EPHA10: variants seen among roughly 807,000 people sequenced by gnomAD.
EPHA10 encodes EPH receptor A10.
EPHA10 carries 120 observed loss-of-function variants against 109.7 expected under a neutral mutation model. The ratio of observed to expected loss-of-function variants is 1.09; its 90% CI spans 0.94 to 1.27. The LOEUF is 1.27. Among genes scored for constraint, EPHA10 ranks in the 50% most tolerant of loss-of-function variants. EPHA10 has a pLI of 0.00. For missense variants in EPHA10, 1,396 were observed against 1,411.1 expected (o/e 0.99, Z 0.17); for synonymous variants, 640 against 618.9 (o/e 1.03, Z -0.51).
At chr1:37,737,821 G>A (rs1646092318) in intron 5 of EPHA10, 1 of 150,790 alleles carries the variant, frequency 6.6e-6, no homozygotes, top group Non-Finnish European at 1.5e-5. Context: ...GAGTGAAAAA[G>A]CAGTCTTTGA....
intron 7 of EPHA10, among the ~76,000 whole-genome samples, chr1:37,729,839 C>T (rs1460257219): frequency 2.0e-5 from 3 of 151,632 alleles, no homozygotes; most frequent in African/African-American, 7.3e-5. Context: ...TGCCACTACA[C>T]TCCAGCCTGG....
chr1:37,754,370 G>A lies in EPHA10; in HGVS notation c.851C>T (p.Ala284Val). The A allele has an allele frequency of 7.7e-7, 1 of 1,303,834 alleles. No individual in the cohort carries two copies. The allele number at this position is 1,303,834 out of a possible 1,614,324, so 80.8% of individuals were successfully genotyped here. Residue 284 changes from alanine to valine, a missense_variant and splice_region_variant, in exon 4 of 17, where the codon GCC (alanine) becomes GTC (valine). Coordinates refer to ENST00000373048, the MANE Select transcript of EPHA10 (RefSeq NM_001099439.2). The surrounding 1 kb of genome is among the most constrained non-coding windows in gnomAD (Gnocchi z 4.5). ...GFQERGDFCE[A>V]CPPGFYKVSP... ...CACCTTGTAAAACCCTGGGGGACAG[G>A]CTGCAGGGCATGGCTGGTGAGAAGA... is the stretch of plus-strand genomic sequence containing the variant.
intron 5 of EPHA10, among the ~76,000 whole-genome samples, chr1:37,736,843 C>G (rs1368124474): frequency 6.6e-6 from 1 of 152,196 alleles, no homozygotes; most frequent in Non-Finnish European, 1.5e-5. Context: ...AACAATCCCA[C>G]TTACGATAGC....
At chr1:37,722,749 A>C in intron 10 of EPHA10, 1 of 530,470 alleles carries the variant, frequency 1.9e-6, no homozygotes, top group Non-Finnish European at 3.6e-6. Flanking sequence ...GCCCCTCCCC[A>C]CTGCCCCATG....
At position 37,764,095 on chromosome 1, in the gene EPHA10, G is replaced by A. The variant is rs971127693; in HGVS notation, c.106+866C>T. ...CAGAGACAGGAGGTCAGGACACCCC[G>A]GAGTCTTGGGAGATTACCCTCTGGA... On this transcript the variant is annotated intron_variant, in intron 1 of 16. Coordinates refer to ENST00000373048, the MANE Select transcript of EPHA10 (RefSeq NM_001099439.2). The surrounding 1 kb of genome is among the most constrained non-coding windows in gnomAD (Gnocchi z 5.8). Among the ~76,000 whole-genome samples, 2 of 152,162 alleles carry A rather than the reference G, an allele frequency of 1.3e-5. No homozygotes were observed. Among genetic ancestry groups the A allele is most frequent in the East Asian group, 1.9e-4 (1 of 5,192 alleles).
chr1:37,732,863 CTTTTTTTTTTTTTTTTTTTTTTTTT>C (rs56226051), intron 6 of EPHA10, among the ~76,000 whole-genome samples: 451 of 25,060 alleles, frequency 0.018, 14 homozygotes, highest in African/African-American at 0.054. Flanking sequence ...TATACTTGTT[CTTTTTTTTTTTTTTTTTTTTTTTTT>C]TTTTTTTTTT....
Position 37,764,997 on chromosome 1 carries a change from G to A in EPHA10, c.70C>T (p.Leu24Phe). 6.2e-7 allele frequency: 1 copy of A among 1,611,076 alleles called. No individual in the cohort carries two copies. Among genetic ancestry groups the A allele is most frequent in the Non-Finnish European group, 8.5e-7 (1 of 1,179,342 alleles). The stretch of plus-strand genomic sequence containing the variant: ...GTCCCAGGCCGCCAGGGTCCCAAAA[G>A]CAGCGCGAGACAGAGCTGCATCCGG... The part of the protein sequence containing the change: ...LCRMQLCLAL[L>F]LGPWRPGTAE... The change falls in exon 1 of 17, where the codon CTT becomes TTT. Residue 24 changes from leucine to phenylalanine, a missense_variant. Physicochemically the swap from Leu to Phe is conservative, Grantham distance 22 (BLOSUM62 0). Transcript: ENST00000373048. This position sits in a 1 kb window ranked among gnomAD's most constrained non-coding sequence, Gnocchi z 5.8.
chr1:37,753,143 C>T lies in EPHA10; in HGVS notation c.1090G>A (p.Asp364Asn), dbSNP rs1013132429. The T allele has an allele frequency of 2.1e-6, 3 of 1,407,208 alleles. No individual in the cohort carries two copies. Among genetic ancestry groups the T allele is most frequent in the African/African-American group, 3.0e-5 (2 of 66,778 alleles). 87.2% of individuals were successfully genotyped at this position (1,407,208 alleles called of 1,614,324 possible). Residue 364 changes from aspartate to asparagine, a missense_variant, in exon 5 of 17, where the codon GAC becomes AAC. Asp to Asn is a conservative substitution (Grantham distance 23). Transcript: ENST00000373048. ...VLRLRWLPPADSGGRSDVTYS... is the reference protein window; with the variant it reads ...VLRLRWLPPANSGGRSDVTYS... ...GTGACGTCCGAGCGGCCTCCCGAGT[C>T]GGCCGGCGGCAGCCAGCGCAGTCGC...
Position 37,716,716 on chromosome 1 carries a change from C to G in EPHA10, c.*1656G>C. 4.3e-6 allele frequency: 1 copy of G among 232,990 alleles called. No individual in the cohort carries two copies. The highest frequency in any genetic ancestry group is 1.3e-3 in the Middle Eastern group (1 of 788). The allele number at this position is 232,990 out of a possible 1,614,324, so 14.4% of individuals were successfully genotyped here. ...TCTCATGCTAGCCTCTCTGCATGGACTCCTTTTGTCCGAGGCCTGCCATCT... is the reference window on the plus strand; with the variant it reads ...TCTCATGCTAGCCTCTCTGCATGGAGTCCTTTTGTCCGAGGCCTGCCATCT... On this transcript the variant is annotated 3_prime_UTR_variant, in exon 17 of 17. Coordinates refer to ENST00000373048, the MANE Select transcript of EPHA10 (RefSeq NM_001099439.2).
At chr1:37,751,870 T>G (rs1463856066) in intron 5 of EPHA10, among the ~76,000 whole-genome samples, 1 of 135,830 alleles carries the variant, frequency 7.4e-6, no homozygotes, top group Non-Finnish European at 1.6e-5. Context: ...AGACTCTGTC[T>G]CAAAAAAAAA....
intron 8 of EPHA10, among the ~76,000 whole-genome samples, chr1:37,724,581 T>C (rs1486398508): frequency 6.6e-6 from 1 of 152,004 alleles, no homozygotes; most frequent in Admixed American, 6.6e-5. Context: ...TGGGGCAGGG[T>C]ATCACAGGGA....
intron 13 of EPHA10, 123 bp from the exon 14 acceptor site, chr1:37,720,181 C>T: frequency 7.0e-7 from 1 of 1,437,766 alleles, no homozygotes; most frequent in Non-Finnish European, 9.4e-7. Context: ...TCCAGCTTCA[C>T]ATCTGGGAAA....
intron 14 of EPHA10, 97 bp from the exon 15 acceptor site, chr1:37,719,704 ACACACACATGCG>A (rs1370566564): frequency 1.2e-5 from 18 of 1,469,910 alleles, no homozygotes; most frequent in Non-Finnish European, 1.5e-5. Context: ...ACAGACACAC[ACACACACATGCG>A]CACACACAGA....
In EPHA10 at chr1:37,754,332, G is replaced by A; in HGVS notation, c.889C>T (p.Pro297Ser). The change falls in exon 4 of 17, where the codon CCC becomes TCC. Residue 297 changes from proline to serine, a missense_variant. Coordinates refer to ENST00000373048, the MANE Select transcript of EPHA10 (RefSeq NM_001099439.2). This position sits in a 1 kb window ranked among gnomAD's most constrained non-coding sequence, Gnocchi z 4.5. Reference protein sequence around the residue: ...PGFYKVSPRRPLCSPCPEHSR... With the variant: ...PGFYKVSPRRSLCSPCPEHSR... The stretch of plus-strand genomic sequence containing the variant: ...TGCTCTGGGCACGGTGAGCAGAGGG[G>A]CCGCCGCGGGGACACCTTGTAAAAC... 1.5e-6 allele frequency: 2 copies of A among 1,311,950 alleles called. No homozygotes were observed. Among genetic ancestry groups the A allele is most frequent in the Non-Finnish European group, 9.8e-7 (1 of 1,024,528 alleles). 81.3% of individuals were successfully genotyped at this position (1,311,950 alleles called of 1,614,324 possible). A position where few individuals can be genotyped will look rare whatever the true frequency, so the allele number is the denominator to read the frequency against.
chr1:37,730,989 G>A (rs1645973046), intron 7 of EPHA10, among the ~76,000 whole-genome samples: 1 of 152,152 alleles, frequency 6.6e-6, no homozygotes. Flanking sequence ...ATCGCGCCTG[G>A]CCGCAATCCT....
In EPHA10 at chr1:37,716,544, A is replaced by C. The variant is rs904893869; in HGVS notation, c.*1828T>G. ...CTGAGCTGGGGCAGGTGCTCAGGAG[A>C]CAGGGAGGCAGGGGGCTGGGGGGAG... On this transcript the variant is annotated 3_prime_UTR_variant, in exon 17 of 17. Coordinates refer to ENST00000373048, the MANE Select transcript of EPHA10 (RefSeq NM_001099439.2). 7 of 224,274 alleles carry C rather than the reference A, an allele frequency of 3.1e-5. No homozygotes were observed. Among genetic ancestry groups the C allele is most frequent in the Non-Finnish European group, 6.1e-5 (7 of 115,012 alleles). The allele number at this position is 224,274 out of a possible 1,614,324, so 13.9% of individuals were successfully genotyped here.
intron 5 of EPHA10, among the ~76,000 whole-genome samples, chr1:37,741,762 A>AT (rs1488022213): frequency 6.6e-6 from 1 of 151,856 alleles, no homozygotes; most frequent in Non-Finnish European, 1.5e-5. Context: ...ACCCTTTAAA[A>AT]AAAAAAAAAA....
chr1:37,737,224 G>C (rs1490121722), intron 5 of EPHA10, among the ~76,000 whole-genome samples: 1 of 152,138 alleles, frequency 6.6e-6, no homozygotes, highest in Non-Finnish European at 1.5e-5. Context: ...CAAGGTGAGA[G>C]AATCACTTGA....
chr1:37,721,581 G>T, intron 11 of EPHA10, 79 bp downstream of exon 11: 3 of 1,405,394 alleles, frequency 2.1e-6, no homozygotes, highest in Non-Finnish European at 2.9e-6. Flanking sequence ...AGAGGCAGGG[G>T]CACTCCAAAC....
Sources: gnomAD v4.1 joint callset for allele counts (sites outside exome capture counted in the v4.1 genomes callset) on GRCh38, gnomAD v4.1.1 for gene constraint, Gnocchi (gnomAD v3.1) non-coding constraint, MANE v1.5 for transcripts, NCBI Gene and HGNC (gene_info 2026-07-23, HGNC 2026-07-21) for gene names.